Variants in TSNARE1 observed in about 807,000 individuals in gnomAD.
TSNARE1 encodes t-SNARE domain containing 1, also known as t-SNARE domain-containing protein 1.
In TSNARE1, 49 loss-of-function variants were observed where a neutral mutation model predicts 62.0. The observed-to-expected ratio is 0.79, with a 90% CI of 0.63 to 1.00. The LOEUF is 1.00. Among genes scored for constraint, TSNARE1 ranks in the 50% least tolerant of loss-of-function variants. The pLI, the probability that TSNARE1 is intolerant of heterozygous loss-of-function variation, is 0.00. For synonymous variants in TSNARE1, 328 were observed against 294.4 expected, an observed-to-expected ratio of 1.11 and a Z score of -1.17; for missense variants, 755 against 700.1, an observed-to-expected ratio of 1.08 and a Z score of -0.88.
At chr8:142,276,808 G>A (rs371026622) in intron 11 of TSNARE1, 7 of 985,438 alleles carry the variant, frequency 7.1e-6, no homozygotes, top group South Asian at 4.7e-5. Flanking sequence ...ACCGGCCACA[G>A]ACCCAGGGCG....
chr8:142,375,382 G>A (rs1836254453), intron 1 of TSNARE1, among the ~76,000 whole-genome samples: 1 of 152,260 alleles, frequency 6.6e-6, no homozygotes, highest in African/African-American at 2.4e-5. Context: ...CACACGTGGT[G>A]GTCAGAGCAG....
At chr8:142,354,792 GA>G in intron 1 of TSNARE1, 29 bp from the exon 2 acceptor site, 1 of 1,330,458 alleles carries the variant, frequency 7.5e-7, no homozygotes, top group East Asian at 2.3e-5. Flanking sequence ...GCAGGGGGAA[GA>G]GGGGGAAGAC....
chr8:142,270,864 G>A (rs1819466038), intron 12 of TSNARE1: 2 of 985,356 alleles, frequency 2.0e-6, no homozygotes, highest in South Asian at 4.7e-5. Context: ...TCGGCTCTCT[G>A]CAGCCTTTCC....
chr8:142,281,595 G>A (rs1458617276), intron 11 of TSNARE1, among the ~76,000 whole-genome samples: 1 of 151,976 alleles, frequency 6.6e-6, no homozygotes, highest in Non-Finnish European at 1.5e-5. Context: ...AGTCAGAACT[G>A]GACACAGTCA....
chr8:142,382,255 G>A lies in TSNARE1; in HGVS notation c.-40+20849C>T, dbSNP rs59494803. 2.7e-3 allele frequency among the ~76,000 whole-genome samples: 404 copies of A among 152,250 alleles called. 4 individuals carry two copies. The highest frequency in any genetic ancestry group is 9.0e-3 in the African/African-American group (374 of 41,570). ...AGCAACTTCAACTCCACGTCAAGCAGAATGCCAGCCGGGCACCCCCAGGCA... is the reference window on the plus strand; with the variant it reads ...AGCAACTTCAACTCCACGTCAAGCAAAATGCCAGCCGGGCACCCCCAGGCA... On this transcript the variant is annotated intron_variant, in intron 1 of 13. Transcript: ENST00000524325.
chr8:142,374,397 G>A (rs530085717), intron 1 of TSNARE1, among the ~76,000 whole-genome samples: 181 of 152,104 alleles, frequency 1.2e-3, no homozygotes, highest in African/African-American at 4.0e-3. Context: ...TGGGAAATGC[G>A]GCTGGGTGCG....
chr8:142,314,441 C>G lies in TSNARE1; in HGVS notation c.1075-1G>C, dbSNP rs1828189453. 1.9e-6 allele frequency: 3 copies of G among 1,613,648 alleles called. No homozygotes were observed. The highest frequency in any genetic ancestry group is 2.5e-6 in the Non-Finnish European group (3 of 1,179,854). ...GCGCTCTGGACTTTTCTGCAATTTT[C>G]TGTTGAAAAAAGGACAAGAGAAGAA... is the stretch of plus-strand genomic sequence containing the variant. On this transcript the variant is annotated splice_acceptor_variant, in intron 8 of 13. Coordinates refer to ENST00000524325, the MANE Select transcript of TSNARE1 (RefSeq NM_145003.5). LOFTEE classifies it high-confidence loss of function.
At chr8:142,354,803 C>A in intron 1 of TSNARE1, 40 bp from the exon 2 acceptor site, 1 of 1,229,092 alleles carries the variant, frequency 8.1e-7, no homozygotes, top group Non-Finnish European at 1.2e-6. Context: ...AGGGGGAAGA[C>A]ATGGGGATTA....
At chr8:142,391,782 G>A (rs953222644) in intron 1 of TSNARE1, among the ~76,000 whole-genome samples, 119 of 152,348 alleles carry the variant, frequency 7.8e-4, no homozygotes, top group African/African-American at 2.7e-3. Flanking sequence ...ACCCATGTTC[G>A]CTCACCCACA....
At chr8:142,220,673 T>C (rs1325470412) in intron 13 of TSNARE1, among the ~76,000 whole-genome samples, 1 of 152,174 alleles carries the variant, frequency 6.6e-6, no homozygotes, top group East Asian at 1.9e-4. Flanking sequence ...GGCGCCACTA[T>C]GGTCACGCCC....
intron 12 of TSNARE1, chr8:142,273,416 C>T (rs1397357382): frequency 2.5e-5 from 25 of 985,344 alleles, no homozygotes; most frequent in Non-Finnish European, 2.9e-5. Flanking sequence ...CTCCTGGAGG[C>T]CCCTGGGCCT....
rs1018743632 is a variant in TSNARE1 at position 142,221,686 on chromosome 8, C to T, written c.*11+7787G>A. Among the ~76,000 whole-genome samples the T allele has an allele frequency of 3.1e-3, 6 of 1,912 alleles. 1 individual carries two copies. The highest frequency in any genetic ancestry group is 7.8e-3 in the African/African-American group (6 of 774). 1.3% of individuals were successfully genotyped at this position (1,912 alleles called of 152,430 possible). ...TCACTCACTCATCCACTCATCCACT[C>T]ACTCACTCATCCACTCACTCATCCA... On this transcript the variant is annotated intron_variant, in intron 13 of 13. Transcript: ENST00000524325.
chr8:142,318,399 T>C (rs1444173813), intron 7 of TSNARE1, 145 bp downstream of exon 7: 5 of 786,692 alleles, frequency 6.4e-6, no homozygotes, highest in Middle Eastern at 2.4e-4. Context: ...CATGGAGCCA[T>C]GGGAGGCTGG....
At chr8:142,318,817 CAA>C (rs1180622573) in intron 6 of TSNARE1, among the ~76,000 whole-genome samples, 183 bp from the exon 7 acceptor site, 1 of 151,560 alleles carries the variant, frequency 6.6e-6, no homozygotes, top group Non-Finnish European at 1.5e-5. Context: ...GAGAGGAAAA[CAA>C]GAGTAGGGAA....
intron 12 of TSNARE1, among the ~76,000 whole-genome samples, chr8:142,233,423 G>T (rs536846799): frequency 6.6e-6 from 1 of 152,264 alleles, no homozygotes; most frequent in South Asian, 2.1e-4. Context: ...CTTGAGAACT[G>T]CCTGGGGCAC....
intron 1 of TSNARE1, among the ~76,000 whole-genome samples, chr8:142,367,761 G>T (rs2130979140): frequency 6.6e-6 from 1 of 152,238 alleles, no homozygotes; most frequent in Middle Eastern, 3.4e-3. Flanking sequence ...ATAGACCAAT[G>T]GAATGAGGAA....
intron 9 of TSNARE1, among the ~76,000 whole-genome samples, chr8:142,310,631 G>A (rs889615020): frequency 1.3e-5 from 2 of 152,036 alleles, no homozygotes; most frequent in African/African-American, 4.8e-5. Flanking sequence ...TTTTTCTCAT[G>A]CGTTTTGAAG....
chr8:142,381,764 G>A (rs1055994151), intron 1 of TSNARE1, among the ~76,000 whole-genome samples: 24 of 152,188 alleles, frequency 1.6e-4, no homozygotes, highest in African/African-American at 5.1e-4. Flanking sequence ...GATGACCTGG[G>A]CAAGCATCGT....
chr8:142,380,769 C>G (rs557479373), intron 1 of TSNARE1, among the ~76,000 whole-genome samples: 4 of 152,292 alleles, frequency 2.6e-5, no homozygotes, highest in Admixed American at 2.6e-4. Context: ...TGAGTGGCCA[C>G]CAGGGACGGC....
Sources: gnomAD v4.1 joint callset for allele counts (sites outside exome capture counted in the v4.1 genomes callset) on GRCh38, gnomAD v4.1.1 for gene constraint, MANE v1.5 for transcripts, NCBI Gene and HGNC (gene_info 2026-07-23, HGNC 2026-07-21) for gene names.